DACH1: variants seen among roughly 807,000 people sequenced by gnomAD.
DACH1 encodes dachshund homolog 1.
Under a neutral mutation model 54.2 loss-of-function variants are expected in DACH1, and 12 were observed. That is an observed-to-expected ratio of 0.22 (90% CI 0.14 to 0.36). DACH1 has a LOEUF of 0.36. Among genes scored for constraint, DACH1 ranks in the 10% least tolerant of loss-of-function variants. DACH1 has a pLI of 1.00. For missense variants in DACH1, 805 were observed against 929.8 expected (o/e 0.87, Z 1.75); for synonymous variants, 386 against 366.2 (o/e 1.05, Z -0.62).
At chr13:71,480,666 G>A (rs1027443795) in intron 7 of DACH1, among the ~76,000 whole-genome samples, 2 of 152,160 alleles carry the variant, frequency 1.3e-5, no homozygotes, top group Admixed American at 6.5e-5. Flanking sequence ...GAAAGTTGAT[G>A]TCATTTGTAG....
chr13:71,851,236 C>T (rs536750037), intron 1 of DACH1, among the ~76,000 whole-genome samples: 2 of 152,256 alleles, frequency 1.3e-5, no homozygotes, highest in East Asian at 3.9e-4. Context: ...GTAGCTTCTC[C>T]TGATTTAGGT....
chr13:71,582,437 C>A (rs995610512), intron 3 of DACH1, among the ~76,000 whole-genome samples: 1 of 152,234 alleles, frequency 6.6e-6, no homozygotes, highest in Middle Eastern at 3.4e-3. Flanking sequence ...ACAATCCTAA[C>A]TACTATTTAA....
intron 1 of DACH1, among the ~76,000 whole-genome samples, chr13:71,832,398 T>C (rs1345730578): frequency 2.0e-5 from 3 of 151,920 alleles, no homozygotes; most frequent in Non-Finnish European, 4.4e-5. Flanking sequence ...TTAGCTAAAA[T>C]GCATGGGGCC....
rs139289638 is a variant in DACH1 at position 71,692,085 on chromosome 13, C to G, written c.849-10175G>C. ...CACTTCTGTAATGAAGGCTGAAGTACTCAAATTTGAGTACTTATAACATCT... is the reference window on the plus strand; with the variant it reads ...CACTTCTGTAATGAAGGCTGAAGTAGTCAAATTTGAGTACTTATAACATCT... On this transcript the variant is annotated intron_variant, in intron 1 of 10. Coordinates refer to ENST00000613252, the MANE Select transcript of DACH1 (RefSeq NM_080759.6). Among the ~76,000 whole-genome samples the G allele has an allele frequency of 4.3e-4, 65 of 151,820 alleles. 1 individual carries two copies. The East Asian group carries it at 9.3e-3, about 22-fold the overall frequency.
At chr13:71,629,979 TA>T (rs1876963034) in intron 3 of DACH1, among the ~76,000 whole-genome samples, 1 of 152,076 alleles carries the variant, frequency 6.6e-6, no homozygotes, top group Non-Finnish European at 1.5e-5. Context: ...CAGTGACAGT[TA>T]ACTTTTCATC....
intron 3 of DACH1, among the ~76,000 whole-genome samples, chr13:71,583,392 G>A (rs932614378): frequency 6.6e-6 from 1 of 151,984 alleles, no homozygotes; most frequent in Non-Finnish European, 1.5e-5. Context: ...GATGAAATAT[G>A]GCATCTTTTC....
chr13:71,583,905 A>C (rs917314032), intron 3 of DACH1, among the ~76,000 whole-genome samples: 26 of 152,202 alleles, frequency 1.7e-4, no homozygotes, highest in African/African-American at 6.3e-4. Context: ...GATTCTAAAA[A>C]ATATTCTCCA....
At chr13:71,693,388 C>T (rs954284724) in intron 1 of DACH1, among the ~76,000 whole-genome samples, 5 of 145,578 alleles carry the variant, frequency 3.4e-5, no homozygotes, top group African/African-American at 1.3e-4. Flanking sequence ...CTGCAAGCTC[C>T]GCCTCCTGGG....
intron 3 of DACH1, among the ~76,000 whole-genome samples, chr13:71,603,385 A>G (rs1024066744): frequency 1.3e-5 from 2 of 152,008 alleles, no homozygotes; most frequent in African/African-American, 4.8e-5. Context: ...CTACTCAAAG[A>G]AGTGTGCCTA....
chr13:71,859,540 A>T (rs1874221147), intron 1 of DACH1, among the ~76,000 whole-genome samples: 1 of 151,810 alleles, frequency 6.6e-6, no homozygotes, highest in Non-Finnish European at 1.5e-5. Context: ...TGGATTGAAA[A>T]TTCTTTTCAT....
intron 2 of DACH1, among the ~76,000 whole-genome samples, chr13:71,644,556 G>C (rs1000910307): frequency 2.0e-5 from 3 of 152,110 alleles, no homozygotes; most frequent in African/African-American, 7.2e-5. Flanking sequence ...GCAATGTTTT[G>C]CATCATACCT....
At chr13:71,665,016 T>C (rs1246271753) in intron 2 of DACH1, among the ~76,000 whole-genome samples, 1 of 151,934 alleles carries the variant, frequency 6.6e-6, no homozygotes, top group Non-Finnish European at 1.5e-5. Flanking sequence ...AGCAATAGGG[T>C]AAATGAAGAC....
At chr13:71,865,803 T>C in intron 1 of DACH1, 119 bp downstream of exon 1, 1 of 1,304,634 alleles carries the variant, frequency 7.7e-7, no homozygotes, top group African/African-American at 1.6e-5. Flanking sequence ...AGGGCCGCGC[T>C]CGCCGGGGCG....
intron 6 of DACH1, 62 bp from the exon 7 acceptor site, chr13:71,489,210 A>C (rs1878792630): frequency 1.3e-6 from 2 of 1,542,574 alleles, no homozygotes; most frequent in Middle Eastern, 1.7e-4. Context: ...ATTAGACCTC[A>C]GTAATGGCTT....
At chr13:71,608,032 G>T (rs1396267871) in intron 3 of DACH1, among the ~76,000 whole-genome samples, 2 of 150,476 alleles carry the variant, frequency 1.3e-5, no homozygotes, top group Admixed American at 6.6e-5. Context: ...TATGAATTAG[G>T]CATATTAGTA....
At chr13:71,747,279 T>C (rs922159322) in intron 1 of DACH1, among the ~76,000 whole-genome samples, 6 of 151,598 alleles carry the variant, frequency 4.0e-5, no homozygotes, top group Non-Finnish European at 8.8e-5. Flanking sequence ...GAAAAAATAA[T>C]TAAAATCAGT....
At chr13:71,745,431 A>G (rs1884563005) in intron 1 of DACH1, among the ~76,000 whole-genome samples, 1 of 152,246 alleles carries the variant, frequency 6.6e-6, no homozygotes, top group African/African-American at 2.4e-5. Flanking sequence ...ATTTCTTGCT[A>G]CTTGGTGAAT....
chr13:71,630,826 C>T lies in DACH1; in HGVS notation c.965-109G>A, dbSNP rs1325407817. On this transcript the variant is annotated intron_variant, in intron 2 of 10. Coordinates refer to ENST00000613252, the MANE Select transcript of DACH1 (RefSeq NM_080759.6). ...AAACATTTATTAGAGTATCTGATTC[C>T]TTTATGCAACACTTTGATAACTTAT... is the stretch of plus-strand genomic sequence containing the variant. 4 of 1,237,252 alleles carry T rather than the reference C, an allele frequency of 3.2e-6. No individual in the cohort carries two copies. The East Asian group carries it at 8.1e-5, about 25-fold the overall frequency. 76.6% of individuals were successfully genotyped at this position (1,237,252 alleles called of 1,614,324 possible).
chr13:71,687,662 C>T (rs920946678), intron 1 of DACH1, among the ~76,000 whole-genome samples: 8 of 152,072 alleles, frequency 5.3e-5, no homozygotes, highest in Admixed American at 4.6e-4. Flanking sequence ...GGTTGGAGTG[C>T]CGTGATGTGA....
Sources: allele counts gnomAD v4.1 joint callset (sites outside exome capture counted in the v4.1 genomes callset), GRCh38; gene constraint gnomAD v4.1.1; transcripts MANE v1.5; gene names NCBI Gene and HGNC (gene_info 2026-07-23, HGNC 2026-07-21).